GALNT17: variants seen among roughly 807,000 people sequenced by gnomAD.
The protein encoded by GALNT17 is UDP-GalNAc:polypeptide N-acetylgalactosaminyltransferase-like 3.
Under a neutral mutation model 63.7 loss-of-function variants are expected in GALNT17, and 29 were observed. That is an observed-to-expected ratio of 0.46 (90% CI 0.34 to 0.62). GALNT17 has a LOEUF of 0.62. Among genes scored for constraint, GALNT17 ranks in the 20% least tolerant of loss-of-function variants. The probability of loss-of-function intolerance (pLI) is 0.01; values close to 1 mark genes in which losing one functional copy is unlikely to be tolerated. For synonymous variants in GALNT17, 305 were observed against 318.3 expected (o/e 0.96, Z 0.45); for missense variants, 603 against 799.6 (o/e 0.75, Z 2.97).
At chr7:71,526,804 G>A (rs1253789395) in intron 5 of GALNT17, among the ~76,000 whole-genome samples, 1 of 152,154 alleles carries the variant, frequency 6.6e-6, no homozygotes, top group African/African-American at 2.4e-5. Context: ...ATGACCCACT[G>A]CACCTGGCCA....
At chr7:71,391,665 T>G (rs2116355064) in intron 3 of GALNT17, among the ~76,000 whole-genome samples, 1 of 152,134 alleles carries the variant, frequency 6.6e-6, no homozygotes, top group East Asian at 1.9e-4. Flanking sequence ...ATATATATTT[T>G]TTGTAGAGAT....
intron 5 of GALNT17, among the ~76,000 whole-genome samples, 178 bp from the exon 6 acceptor site, chr7:71,571,088 TGGAACCCAGTACATGCTAG>T (rs1486036964): frequency 2.8e-5 from 3 of 107,614 alleles, no homozygotes; most frequent in Admixed American, 9.7e-5. Flanking sequence ...CATGCTAGGC[TGGAACCCAGTACATGCTAG>T]GCTGGAACCC....
chr7:71,472,754 A>G (rs1787656448), intron 5 of GALNT17, among the ~76,000 whole-genome samples: 1 of 152,194 alleles, frequency 6.6e-6, no homozygotes. Flanking sequence ...TGGATATCAT[A>G]TTATAACAGT....
intron 9 of GALNT17, among the ~76,000 whole-genome samples, chr7:71,681,814 C>A (rs1225014124): frequency 6.6e-6 from 1 of 152,212 alleles, no homozygotes; most frequent in African/African-American, 2.4e-5. Flanking sequence ...GAATGTGGAA[C>A]AAAGTAAAGA....
intron 5 of GALNT17, among the ~76,000 whole-genome samples, chr7:71,466,553 A>T (rs1375883750): frequency 1.3e-5 from 2 of 152,228 alleles, no homozygotes; most frequent in Admixed American, 6.5e-5. Flanking sequence ...CATTCTGTAG[A>T]GAATTCCCTT....
chr7:71,197,450 C>T (rs553865000), intron 1 of GALNT17, among the ~76,000 whole-genome samples: 53 of 150,882 alleles, frequency 3.5e-4, no homozygotes, highest in African/African-American at 1.2e-3. Flanking sequence ...CCTTGTGATC[C>T]GCCCATCTCG....
chr7:71,613,526 T>G (rs1261902243), intron 6 of GALNT17, among the ~76,000 whole-genome samples: 2 of 152,200 alleles, frequency 1.3e-5, no homozygotes, highest in Non-Finnish European at 2.9e-5. Context: ...ATGAGTAGCC[T>G]CTGCTTTTTG....
At chr7:71,348,618 T>C (rs897681607) in intron 2 of GALNT17, among the ~76,000 whole-genome samples, 2 of 152,200 alleles carry the variant, frequency 1.3e-5, no homozygotes, top group Non-Finnish European at 2.9e-5. Flanking sequence ...TCCCCAGATG[T>C]AGATGCAGCT....
intron 6 of GALNT17, among the ~76,000 whole-genome samples, chr7:71,635,372 T>G (rs1790514427): frequency 6.6e-6 from 1 of 152,188 alleles, no homozygotes; most frequent in African/African-American, 2.4e-5. Flanking sequence ...GCTGGAGAGA[T>G]ATCATGAGGC....
chr7:71,219,056 A>G (rs1254536026), intron 1 of GALNT17, among the ~76,000 whole-genome samples: 1 of 152,138 alleles, frequency 6.6e-6, no homozygotes, highest in African/African-American at 2.4e-5. Flanking sequence ...TGTAGTGACA[A>G]TAACTCACAT....
intron 5 of GALNT17, among the ~76,000 whole-genome samples, chr7:71,421,466 A>G (rs1425471657): frequency 6.6e-6 from 1 of 152,178 alleles, no homozygotes; most frequent in Non-Finnish European, 1.5e-5. Flanking sequence ...GAAGCCTTGT[A>G]CTGTTGTCAT....
rs187792082 is a variant in GALNT17, at chr7:71,238,154, G to A, written c.239-97396G>A. Among the ~76,000 whole-genome samples, 13 of 152,222 alleles carry A rather than the reference G, an allele frequency of 8.5e-5. No homozygotes were observed. The East Asian group carries it at 2.5e-3, about 29-fold the overall frequency. The stretch of plus-strand genomic sequence containing the variant: ...ACAGAGCACATTCCATAAGGCAGAG[G>A]GCAGAGCAGCCACACTCTCTCTCTG... On this transcript the variant is annotated intron_variant, in intron 1 of 10. Transcript: ENST00000333538.
chr7:71,457,970 G>A (rs1331037878), intron 5 of GALNT17, among the ~76,000 whole-genome samples: 1 of 152,078 alleles, frequency 6.6e-6, no homozygotes, highest in African/African-American at 2.4e-5. Context: ...CCAGAAGGCA[G>A]GGACACCACT....
intron 1 of GALNT17, among the ~76,000 whole-genome samples, chr7:71,259,626 G>GTTT (rs1230386882): frequency 8.8e-5 from 12 of 137,104 alleles, no homozygotes; most frequent in African/African-American, 3.5e-4. Context: ...TCTTGGTCCT[G>GTTT]TTTTGTTTTT....
At chr7:71,428,659 G>A (rs1248203109) in intron 5 of GALNT17, among the ~76,000 whole-genome samples, 1 of 152,036 alleles carries the variant, frequency 6.6e-6, no homozygotes, top group East Asian at 1.9e-4. Flanking sequence ...GGATGGTCTC[G>A]ATCTCTTGAC....
intron 6 of GALNT17, among the ~76,000 whole-genome samples, chr7:71,580,130 AG>A (rs1166474721): frequency 6.6e-6 from 1 of 152,170 alleles, no homozygotes; most frequent in South Asian, 2.1e-4. Context: ...TTGATAATAG[AG>A]ATAACAGATA....
chr7:71,263,646 G>A (rs114257571), intron 1 of GALNT17, among the ~76,000 whole-genome samples: 3,765 of 152,218 alleles, frequency 0.025, 151 homozygotes, highest in African/African-American at 0.085. Flanking sequence ...TGATCTGGCC[G>A]GGAGCGGTGG....
intron 2 of GALNT17, among the ~76,000 whole-genome samples, chr7:71,358,234 G>A (rs2527291): frequency 0.19 from 28,272 of 152,022 alleles, 2,641 homozygotes; most frequent in East Asian, 0.29. Context: ...CATCTCTACT[G>A]AAAATACAAA....
chr7:71,652,897 G>A (rs187861952), intron 6 of GALNT17, among the ~76,000 whole-genome samples: 9 of 152,330 alleles, frequency 5.9e-5, no homozygotes, highest in East Asian at 5.8e-4. Context: ...CAATTGCAGC[G>A]AGAGAAAGTG....
Sources: gnomAD v4.1 joint callset for allele counts (sites outside exome capture counted in the v4.1 genomes callset) on GRCh38, gnomAD v4.1.1 for gene constraint, MANE v1.5 for transcripts, NCBI Gene and HGNC (gene_info 2026-07-23, HGNC 2026-07-21) for gene names.